MEGF11: variants seen among roughly 807,000 people sequenced by gnomAD.
MEGF11 encodes multiple EGF like domains 11, also known as multiple epidermal growth factor-like domains protein 11.
Under a neutral mutation model 146.6 loss-of-function variants are expected in MEGF11, and 126 were observed. The ratio of observed to expected loss-of-function variants is 0.86; its 90% CI spans 0.74 to 1.00. The LOEUF (loss-of-function observed/expected upper bound fraction) is 1.00, where lower values mean the gene tolerates loss of function less well. Ranked by LOEUF, MEGF11 falls within the 50% of genes least tolerant of loss-of-function variation. MEGF11 has a pLI of 0.00. For missense variants in MEGF11, 1,509 were observed against 1,521.2 expected, an observed-to-expected ratio of 0.99 and a Z score of 0.13; for synonymous variants, 532 against 583.4, an observed-to-expected ratio of 0.91 and a Z score of 1.27.
At chr15:66,177,312 G>C (rs2090411636) in intron 1 of MEGF11, among the ~76,000 whole-genome samples, 1 of 152,160 alleles carries the variant, frequency 6.6e-6, no homozygotes, top group South Asian at 2.1e-4. Flanking sequence ...ATTACAAGAG[G>C]CTTTAAAAAG....
At chr15:65,933,309 C>G (rs1489198719) in intron 10 of MEGF11, among the ~76,000 whole-genome samples, 1 of 152,224 alleles carries the variant, frequency 6.6e-6, no homozygotes, top group Non-Finnish European at 1.5e-5. Context: ...TGGGTGCAGA[C>G]TGCAGGCACA....
chr15:66,077,922 A>G lies in MEGF11; in HGVS notation c.394+16480T>C, dbSNP rs554550779. Among the ~76,000 whole-genome samples the G allele has an allele frequency of 3.9e-5, 6 of 152,154 alleles. No homozygotes were observed. The South Asian group carries it at 1.2e-3, about 32-fold the overall frequency. ...AAAGCCAGGCAGGTGCCACATCCAG[A>G]GGGGCCAGGAAGGCCGGGCCAAGGA... On this transcript the variant is annotated intron_variant, in intron 5 of 25. Transcript: ENST00000395614.
chr15:65,972,106 C>CAG (rs902682047), intron 7 of MEGF11, among the ~76,000 whole-genome samples: 16 of 151,134 alleles, frequency 1.1e-4, no homozygotes, highest in African/African-American at 3.4e-4. Context: ...TAAAGTATAC[C>CAG]AGAGAGAGAG....
chr15:66,068,487 T>C (rs562616080), intron 5 of MEGF11, among the ~76,000 whole-genome samples: 1 of 152,280 alleles, frequency 6.6e-6, no homozygotes, highest in East Asian at 1.9e-4. Flanking sequence ...AAACCATTGA[T>C]CTAGTGAAAT....
chr15:66,214,029 A>G (rs369024199), intron 1 of MEGF11, among the ~76,000 whole-genome samples: 5,949 of 101,224 alleles, frequency 0.059, 174 homozygotes, highest in Middle Eastern at 0.14. Context: ...TGAGCCGGCC[A>G]CTTTTTTTTT....
chr15:66,223,254 G>C (rs2091777422), intron 1 of MEGF11, among the ~76,000 whole-genome samples: 2 of 152,104 alleles, frequency 1.3e-5, no homozygotes, highest in Non-Finnish European at 2.9e-5. Flanking sequence ...ACCACATATT[G>C]TATGATTCCA....
chr15:65,992,740 A>G (rs2082093554), intron 5 of MEGF11, among the ~76,000 whole-genome samples: 1 of 151,936 alleles, frequency 6.6e-6, no homozygotes, highest in Non-Finnish European at 1.5e-5. Context: ...GGGAAGGAAC[A>G]GTAAGTGTGA....
chr15:66,246,084 C>A (rs1356194498), intron 1 of MEGF11, among the ~76,000 whole-genome samples: 1 of 152,026 alleles, frequency 6.6e-6, no homozygotes, highest in Non-Finnish European at 1.5e-5. Context: ...CAGTGAGACC[C>A]TTTCTCTACT....
chr15:66,200,971 C>T (rs970523314), intron 1 of MEGF11, among the ~76,000 whole-genome samples: 5 of 152,132 alleles, frequency 3.3e-5, no homozygotes, highest in Non-Finnish European at 5.9e-5. Context: ...TATTCAGACA[C>T]GAGCCCAAGG....
intron 5 of MEGF11, among the ~76,000 whole-genome samples, chr15:65,985,953 A>ATTT (rs60520972): frequency 0.11 from 15,066 of 140,228 alleles, 1,003 homozygotes; most frequent in Middle Eastern, 0.15. Flanking sequence ...TTGTGTCTGC[A>ATTT]TTTTTTTTTT....
intron 1 of MEGF11, among the ~76,000 whole-genome samples, chr15:66,214,030 C>CTTTTTT (rs11303068): frequency 1.1e-5 from 1 of 92,334 alleles, no homozygotes; most frequent in East Asian, 2.9e-4. Context: ...GAGCCGGCCA[C>CTTTTTT]TTTTTTTTTT....
At chr15:66,060,461 C>T (rs2084855605) in intron 5 of MEGF11, among the ~76,000 whole-genome samples, 1 of 152,250 alleles carries the variant, frequency 6.6e-6, no homozygotes, top group Admixed American at 6.5e-5. Context: ...ACACTGCACG[C>T]TCCATCCAGC....
intron 21 of MEGF11, among the ~76,000 whole-genome samples, chr15:65,911,414 T>A (rs1002431967): frequency 4.6e-5 from 7 of 151,634 alleles, no homozygotes; most frequent in African/African-American, 1.7e-4. Flanking sequence ...GTGGTCTAGT[T>A]GTTGTTGTTG....
intron 1 of MEGF11, among the ~76,000 whole-genome samples, chr15:66,227,723 G>A (rs752638034): frequency 1.3e-5 from 2 of 152,208 alleles, no homozygotes; most frequent in Non-Finnish European, 2.9e-5. Flanking sequence ...TGGAAGCGCC[G>A]GGCTTCTGCT....
At chr15:66,076,144 G>T (rs1567229323) in intron 5 of MEGF11, among the ~76,000 whole-genome samples, 1 of 152,170 alleles carries the variant, frequency 6.6e-6, no homozygotes, top group Non-Finnish European at 1.5e-5. Flanking sequence ...CAGAGTGATG[G>T]ACAGATGGAT....
chr15:66,070,572 T>G (rs542861222), intron 5 of MEGF11, among the ~76,000 whole-genome samples: 54 of 152,286 alleles, frequency 3.5e-4, no homozygotes, highest in African/African-American at 1.2e-3. Flanking sequence ...CTGGTGGTGG[T>G]GGGGGGTATC....
intron 19 of MEGF11, 150 bp downstream of exon 19, chr15:65,915,320 G>A: frequency 1.9e-6 from 2 of 1,047,414 alleles, no homozygotes; most frequent in East Asian, 2.7e-5. Context: ...TTCAGCACTT[G>A]GAGCCTCTGC....
rs996116443 is a variant in MEGF11 at position 65,939,569 on chromosome 15, A to G, written c.1288-8626T>C. 2.1e-5 allele frequency among the ~76,000 whole-genome samples: 3 copies of G among 146,200 alleles called. No individual in the cohort carries two copies. The Admixed American group carries it at 2.1e-4, about 10-fold the overall frequency. Reference sequence around the variant, plus strand: ...GAGTGCAATGTTGCAATCTCAGCTCACGGTAACCTCCACCTCCCGGGTTCA... The same window carrying G: ...GAGTGCAATGTTGCAATCTCAGCTCGCGGTAACCTCCACCTCCCGGGTTCA... On this transcript the variant is annotated intron_variant, in intron 10 of 25. Transcript: ENST00000395614.
intron 5 of MEGF11, among the ~76,000 whole-genome samples, chr15:66,036,841 G>A (rs1047854151): frequency 9.2e-5 from 14 of 152,290 alleles, no homozygotes; most frequent in African/African-American, 2.9e-4. Context: ...TTTATGCGCC[G>A]GGCACATTAA....
Sources: gnomAD v4.1 joint callset for allele counts (sites outside exome capture counted in the v4.1 genomes callset) on GRCh38, gnomAD v4.1.1 for gene constraint, MANE v1.5 for transcripts, NCBI Gene and HGNC (gene_info 2026-07-23, HGNC 2026-07-21) for gene names.